Variants in SHMT1 observed in about 807,000 individuals in gnomAD.
The protein encoded by SHMT1 is serine hydroxymethyltransferase 1.
In SHMT1, 45 loss-of-function variants were observed where a neutral mutation model predicts 49.0. The ratio of observed to expected loss-of-function variants is 0.92; its 90% confidence interval spans 0.72 to 1.18. The LOEUF (loss-of-function observed/expected upper bound fraction) is 1.18. Ranked by LOEUF, SHMT1 falls within the 50% of genes most tolerant of loss-of-function variation. The pLI is 0.00. For synonymous variants in SHMT1, 232 were observed against 246.6 expected (o/e 0.94, Z 0.55); for missense variants, 541 against 612.4 (o/e 0.88, Z 1.23).
chr17:18,356,506 G>A (rs1026089313), intron 1 of SHMT1, among the ~76,000 whole-genome samples: 1 of 151,664 alleles, frequency 6.6e-6, no homozygotes, highest in African/African-American at 2.4e-5. Flanking sequence ...TGGCTAATTT[G>A]TGTATTTTTC....
chr17:18,344,577 GAAAA>G (rs10655994), intron 5 of SHMT1, among the ~76,000 whole-genome samples: 38 of 65,392 alleles, frequency 5.8e-4, no homozygotes, highest in African/African-American at 2.1e-3. Context: ...ACAATTACCG[GAAAA>G]AAAAAAAAAA....
chr17:18,336,414 C>A (rs568506509), intron 7 of SHMT1, among the ~76,000 whole-genome samples: 84 of 152,252 alleles, frequency 5.5e-4, no homozygotes, highest in Middle Eastern at 6.8e-3. Context: ...GCGTGTAATC[C>A]CAGCACTTTG....
Position 18,347,668 on chromosome 17 carries a change from G to A in SHMT1, c.359-12C>T, listed in dbSNP as rs1985237041. On this transcript the variant is annotated splice_polypyrimidine_tract_variant and intron_variant, in intron 4 of 11. Transcript: ENST00000316694. ...GTTTGCAGGGGAGCCTGAAACGAGT[G>A]GACCAGAGGAGACATGATTATTTCT... 2 of 1,613,954 alleles carry A rather than the reference G, an allele frequency of 1.2e-6. No individual in the cohort carries two copies. Among genetic ancestry groups the A allele is most frequent in the African/African-American group, 1.3e-5 (1 of 74,908 alleles).
At chr17:18,339,461 T>C (rs1482147824) in intron 7 of SHMT1, among the ~76,000 whole-genome samples, 2 of 152,030 alleles carry the variant, frequency 1.3e-5, no homozygotes, top group East Asian at 1.9e-4. Context: ...TCCTAACACA[T>C]AGTGGTTGCT....
Position 18,328,333 on chromosome 17 carries a change from G to A in SHMT1, c.*417C>T, listed in dbSNP as rs1982783533. ...CCACTGGATAACAAGATAGTGAGGG[G>A]GCAGTGTGTACAAGCTGTGGACATG... is the stretch of plus-strand genomic sequence containing the variant. On this transcript the variant is annotated 3_prime_UTR_variant, in exon 12 of 12. Coordinates refer to ENST00000316694, the MANE Select transcript of SHMT1 (RefSeq NM_004169.5). 1 of 226,998 alleles carries A rather than the reference G, an allele frequency of 4.4e-6. No homozygotes were observed. The highest frequency in any genetic ancestry group is 9.0e-6 in the Non-Finnish European group (1 of 111,636). The allele number at this position is 226,998 out of a possible 1,614,324, so 14.1% of individuals were successfully genotyped here.
Position 18,328,707 on chromosome 17 carries a change from C to T in SHMT1, c.*43G>A. On this transcript the variant is annotated 3_prime_UTR_variant, in exon 12 of 12. Coordinates refer to ENST00000316694, the MANE Select transcript of SHMT1 (RefSeq NM_004169.5). ...CAGGTGGGGGTCCTCCGGCAGGCAGCTTCCTCTGTGGCGCCAGGTGGGTCC... is the reference window on the plus strand; with the variant it reads ...CAGGTGGGGGTCCTCCGGCAGGCAGTTTCCTCTGTGGCGCCAGGTGGGTCC... The T allele has an allele frequency of 6.5e-7, 1 of 1,548,048 alleles. No individual in the cohort carries two copies. The highest frequency in any genetic ancestry group is 2.4e-5 in the East Asian group (1 of 40,956).
intron 3 of SHMT1, among the ~76,000 whole-genome samples, chr17:18,353,159 T>TGAC (rs1339931700): frequency 6.6e-6 from 1 of 150,904 alleles, no homozygotes; most frequent in African/African-American, 2.4e-5. Flanking sequence ...TGCCTGATGA[T>TGAC]GACTGTAAAA....
chr17:18,354,912 G>T (rs996263366), intron 2 of SHMT1, among the ~76,000 whole-genome samples: 1 of 149,958 alleles, frequency 6.7e-6, no homozygotes, highest in African/African-American at 2.5e-5. Flanking sequence ...TAGCCAGGGC[G>T]TGGTGGCTGG....
Position 18,340,299 on chromosome 17 carries a change from G to C in SHMT1, c.602-44C>G. 6.3e-7 allele frequency: 1 copy of C among 1,598,486 alleles called. No individual in the cohort carries two copies. Among genetic ancestry groups the C allele is most frequent in the Non-Finnish European group, 8.6e-7 (1 of 1,167,274 alleles). ...CACAGCTGCATCAGAGATGTCCACCGGCCAGCTGAGTTGGCTTCACAGTGG... is the reference window on the plus strand; with the variant it reads ...CACAGCTGCATCAGAGATGTCCACCCGCCAGCTGAGTTGGCTTCACAGTGG... On this transcript the variant is annotated intron_variant, in intron 6 of 11. Coordinates refer to ENST00000316694, the MANE Select transcript of SHMT1 (RefSeq NM_004169.5). The surrounding 1 kb of genome is among the most constrained non-coding windows in gnomAD (Gnocchi z 4.5).
chr17:18,348,212 G>A, intron 4 of SHMT1, 113 bp downstream of exon 4: 1 of 787,784 alleles, frequency 1.3e-6, no homozygotes, highest in Non-Finnish European at 2.2e-6. Flanking sequence ...GAGCCACTGG[G>A]CCCGGCCTAT....
At chr17:18,337,902 G>GGC (rs1983999359) in intron 7 of SHMT1, among the ~76,000 whole-genome samples, 1 of 152,122 alleles carries the variant, frequency 6.6e-6, no homozygotes. Context: ...GGAGTGCAGT[G>GGC]GTGTGATCTC....
At position 18,340,188 on chromosome 17, in the gene SHMT1, C is replaced by G; in HGVS notation, c.669G>C (p.Ala223=). The stretch of plus-strand genomic sequence containing the variant: ...TGTGAGCCATGTCCGCCATGAGATA[C>G]GCCCCGTTCTCATCTGCAATCTTCC... ...RLRKIADENG[A]YLMADMAHIS... The change falls in exon 7 of 12, where the codon GCG becomes GCC. Residue 223 remains alanine (A), a synonymous_variant. Coordinates refer to ENST00000316694, the MANE Select transcript of SHMT1 (RefSeq NM_004169.5). This position sits in a 1 kb window ranked among gnomAD's most constrained non-coding sequence, Gnocchi z 4.5. 6.2e-7 allele frequency: 1 copy of G among 1,614,246 alleles called. No individual in the cohort carries two copies. Among genetic ancestry groups the G allele is most frequent in the African/African-American group, 1.3e-5 (1 of 75,074 alleles).
chr17:18,351,054 T>C (rs1985641158), intron 3 of SHMT1, among the ~76,000 whole-genome samples: 1 of 151,920 alleles, frequency 6.6e-6, no homozygotes, highest in South Asian at 2.1e-4. Context: ...AATATTGCCT[T>C]TGATTTTAAA....
At chr17:18,347,709 T>G (rs563588607) in intron 4 of SHMT1, 53 bp from the exon 5 acceptor site, 1 of 1,607,260 alleles carries the variant, frequency 6.2e-7, no homozygotes, top group Non-Finnish European at 8.5e-7. Context: ...AGGTACCAAG[T>G]GGCATCCGGG....
Position 18,335,688 on chromosome 17 carries a change from A to G in SHMT1, c.815-13T>C, listed in dbSNP as rs1983714980. 3.2e-6 allele frequency: 5 copies of G among 1,573,002 alleles called. No homozygotes were observed. The highest frequency in any genetic ancestry group is 4.4e-6 in the Non-Finnish European group (5 of 1,142,626). On this transcript the variant is annotated splice_polypyrimidine_tract_variant and intron_variant, in intron 7 of 11. Transcript: ENST00000316694. ...ACACTTTTCACTCCTGGAGGAAGAA[A>G]AACATCACAGTGGGATCATAGGGGC...
rs74513495 is a variant in SHMT1 at position 18,358,031 on chromosome 17, T to C, written c.-19-2031A>G. On this transcript the variant is annotated intron_variant, in intron 1 of 11. Coordinates refer to ENST00000316694, the MANE Select transcript of SHMT1 (RefSeq NM_004169.5). ...GGCACCCACCACCATGCCTGGCTAA[T>C]TTTTTTTTTATTTTTTCAGTAGAGA... is the stretch of plus-strand genomic sequence containing the variant. 1.8e-4 allele frequency among the ~76,000 whole-genome samples: 27 copies of C among 146,684 alleles called. No individual in the cohort carries two copies. In the East Asian group the frequency reaches 5.5e-3, roughly 30 times the overall value.
rs1439583828 is a variant in SHMT1, at chr17:18,327,985, GT to G, written c.*764del. The G allele has an allele frequency of 6.6e-6, 1 of 152,600 alleles. No individual in the cohort carries two copies. The highest frequency in any genetic ancestry group is 1.5e-5 in the Non-Finnish European group (1 of 68,022). The allele number at this position is 152,600 out of a possible 1,614,324, so 9.5% of individuals were successfully genotyped here. ...ACATTCTGTGGTTAAAAATTTGATT[GT>G]GCTTATTAAAAATGGTCATCTATGT... On this transcript the variant is annotated 3_prime_UTR_variant, in exon 12 of 12. Coordinates refer to ENST00000316694, the MANE Select transcript of SHMT1 (RefSeq NM_004169.5).
rs751411750 is a variant in SHMT1 at position 18,340,219 on chromosome 17, C to A, written c.638G>T (p.Arg213Leu). The A allele has an allele frequency of 1.2e-6, 2 of 1,614,222 alleles. No homozygotes were observed. Among genetic ancestry groups the A allele is most frequent in the Non-Finnish European group, 8.5e-7 (1 of 1,180,030 alleles). The change falls in exon 7 of 12, where the codon CGG becomes CTG. Residue 213 changes from arginine (R) to leucine (L), a missense_variant. Transcript: ENST00000316694. The surrounding 1 kb of genome is among the most constrained non-coding windows in gnomAD (Gnocchi z 4.5). ...SCYSRNLEYA[R>L]LRKIADENGA... ...GTTCTCATCTGCAATCTTCCGTAGC[C>A]GGGCATATTCCAGGTTTCGGGAGTA... is the stretch of plus-strand genomic sequence containing the variant.
intron 3 of SHMT1, among the ~76,000 whole-genome samples, chr17:18,351,647 G>A (rs1163693335): frequency 4.6e-5 from 7 of 151,948 alleles, no homozygotes; most frequent in Admixed American, 3.3e-4. Context: ...GGTGGCACGT[G>A]CCTATAGTCC....
Sources: gnomAD v4.1 joint callset for allele counts (sites outside exome capture counted in the v4.1 genomes callset) on GRCh38, gnomAD v4.1.1 for gene constraint, Gnocchi (gnomAD v3.1) non-coding constraint, MANE v1.5 for transcripts, NCBI Gene and HGNC (gene_info 2026-07-23, HGNC 2026-07-21) for gene names.